The following ZNF469 variants were observed in gnomAD, a reference collection of about 807,000 sequenced individuals.
ZNF469 encodes the protein zinc finger protein 469.
Under a neutral mutation model 1.0 loss-of-function variants are expected in ZNF469, and 1 was observed. The ratio of observed to expected loss-of-function variants is 1.00; its 90% CI spans 0.35 to 4.73. The LOEUF (loss-of-function observed/expected upper bound fraction) is 4.73, where lower values mean the gene tolerates loss of function less well. Ranked by LOEUF, ZNF469 falls within the 30% of genes most tolerant of loss-of-function variation. The pLI, the probability that ZNF469 is intolerant of heterozygous loss-of-function variation, is 0.16. For synonymous variants in ZNF469, 2,703 were observed against 2,363.4 expected, an observed-to-expected ratio of 1.14 and a Z score of -4.17; for missense variants, 6,100 against 5,356.3, an observed-to-expected ratio of 1.14 and a Z score of -4.33.
At chr16:88,336,752 C>T in the ZNF469 span, among the ~76,000 whole-genome samples, 4 of 152,234 alleles carry the variant, frequency 2.6e-5, no homozygotes, top group Admixed American at 6.5e-5. Flanking sequence ...TTCACATGTG[C>T]GATTCGGTGG....
chr16:88,267,408 C>G, the ZNF469 span, among the ~76,000 whole-genome samples: 1 of 152,240 alleles, frequency 6.6e-6, no homozygotes. Flanking sequence ...GACGCACACC[C>G]CTGGACACAG....
At chr16:88,343,450 G>A in the ZNF469 span, among the ~76,000 whole-genome samples, 2 of 152,312 alleles carry the variant, frequency 1.3e-5, no homozygotes, top group East Asian at 1.9e-4. Flanking sequence ...CCTGCCCATC[G>A]TGACTTCTTC....
At chr16:88,327,794 A>C in the ZNF469 span, among the ~76,000 whole-genome samples, 2 of 152,230 alleles carry the variant, frequency 1.3e-5, no homozygotes, top group African/African-American at 4.8e-5. Context: ...GAGAGGCCGC[A>C]GTGTGGTCGG....
the ZNF469 span, among the ~76,000 whole-genome samples, chr16:88,247,771 C>CAGTGAATGAGGGAGTGAGTAAATG: frequency 4.9e-5 from 7 of 143,234 alleles, no homozygotes; most frequent in Non-Finnish European, 7.7e-5. Context: ...GTGAATGAGT[C>CAGTGAATGAGGGAGTGAGTAAATG]AGTGAATGAG....
the ZNF469 span, among the ~76,000 whole-genome samples, chr16:88,371,871 C>A: frequency 6.7e-6 from 1 of 149,626 alleles, no homozygotes; most frequent in African/African-American, 2.4e-5. Context: ...TCACCATCAT[C>A]GTCACCATCA....
intron 1 of ZNF469, among the ~76,000 whole-genome samples, 90 bp downstream of exon 1, chr16:88,383,344 G>A (rs1462324126): frequency 1.4e-5 from 2 of 147,568 alleles, no homozygotes; most frequent in South Asian, 2.1e-4. Flanking sequence ...CTGCGCGGGG[G>A]TCTCCGGCCC....
At chr16:88,403,303 T>C (rs1206430584) in intron 1 of ZNF469, among the ~76,000 whole-genome samples, 2 of 152,250 alleles carry the variant, frequency 1.3e-5, no homozygotes. Context: ...TCTCATTTTT[T>C]GTAACATAGT....
the ZNF469 span, among the ~76,000 whole-genome samples, chr16:88,352,189 C>G: frequency 5.9e-5 from 9 of 152,158 alleles, no homozygotes; most frequent in Admixed American, 1.3e-4. Context: ...GCTCCAAAAC[C>G]AGCGAGAGGG....
intron 1 of ZNF469, among the ~76,000 whole-genome samples, chr16:88,409,011 G>A (rs1905079543): frequency 6.6e-6 from 1 of 152,240 alleles, no homozygotes; most frequent in South Asian, 2.1e-4. Context: ...GGTCAGCCCA[G>A]CAGGGGGGCC....
the ZNF469 span, among the ~76,000 whole-genome samples, chr16:88,198,102 G>C: frequency 6.6e-6 from 1 of 152,234 alleles, no homozygotes; most frequent in African/African-American, 2.4e-5. Context: ...TTCAAAAACT[G>C]TCTCCTGAGT....
At chr16:88,243,570 C>G in the ZNF469 span, among the ~76,000 whole-genome samples, 1 of 152,114 alleles carries the variant, frequency 6.6e-6, no homozygotes, top group Non-Finnish European at 1.5e-5. Context: ...GGGAGTAGAG[C>G]ATCTCCTTCA....
chr16:88,104,114 C>T, the ZNF469 span, among the ~76,000 whole-genome samples: 1 of 151,964 alleles, frequency 6.6e-6, no homozygotes, highest in African/African-American at 2.4e-5. Flanking sequence ...GTGTTCAACT[C>T]TTTTCATGGC....
chr16:88,404,398 A>T (rs1904969900), intron 1 of ZNF469, among the ~76,000 whole-genome samples: 1 of 152,198 alleles, frequency 6.6e-6, no homozygotes, highest in African/African-American at 2.4e-5. Flanking sequence ...TTAGTGATTC[A>T]CCAGCACGAG....
chr16:88,270,358 T>C, the ZNF469 span, among the ~76,000 whole-genome samples: 1 of 152,278 alleles, frequency 6.6e-6, no homozygotes, highest in Admixed American at 6.5e-5. Flanking sequence ...TTCAGCACCG[T>C]GGGCTGATGG....
At chr16:88,182,329 ACAAT>A in the ZNF469 span, among the ~76,000 whole-genome samples, 8 of 151,446 alleles carry the variant, frequency 5.3e-5, no homozygotes, top group Non-Finnish European at 1.0e-4. Context: ...CAATGGAATC[ACAAT>A]CAAAGTCTCA....
chr16:88,182,248 T>G, the ZNF469 span, among the ~76,000 whole-genome samples: 1 of 152,110 alleles, frequency 6.6e-6, no homozygotes, highest in African/African-American at 2.4e-5. Flanking sequence ...AATGGAGAGA[T>G]GTACCATGTT....
At chr16:88,153,116 G>A in the ZNF469 span, among the ~76,000 whole-genome samples, 2 of 152,198 alleles carry the variant, frequency 1.3e-5, no homozygotes, top group African/African-American at 4.8e-5. Flanking sequence ...TGGCGGGGCC[G>A]GGGGTGTGGA....
the ZNF469 span, among the ~76,000 whole-genome samples, chr16:88,324,517 G>A: frequency 2.0e-5 from 3 of 152,256 alleles, no homozygotes; most frequent in African/African-American, 7.2e-5. Context: ...AGGGTTCTTG[G>A]CTTCACTCAG....
the ZNF469 span, among the ~76,000 whole-genome samples, chr16:88,214,662 C>A: frequency 6.6e-6 from 1 of 152,118 alleles, no homozygotes; most frequent in Non-Finnish European, 1.5e-5. Flanking sequence ...CTAACCCTCA[C>A]CCCCCGACAG....
Sources: gnomAD v4.1 joint callset for allele counts (sites outside exome capture counted in the v4.1 genomes callset) on GRCh38, gnomAD v4.1.1 for gene constraint, MANE v1.5 for transcripts, NCBI Gene and HGNC (gene_info 2026-07-23, HGNC 2026-07-21) for gene names.